The following RCN1 variants were observed in gnomAD, a reference collection of about 807,000 sequenced individuals.
RCN1 encodes reticulocalbin-1.
Under a neutral mutation model 34.7 loss-of-function variants are expected in RCN1, and 14 were observed. That is an observed-to-expected ratio of 0.40 (90% confidence interval 0.27 to 0.63). The LOEUF is 0.63. Ranked by LOEUF, RCN1 falls within the 30% of genes least tolerant of loss-of-function variation. RCN1 has a pLI of 0.37. For synonymous variants in RCN1, 125 were observed against 165.5 expected, an observed-to-expected ratio of 0.76 and a Z score of 1.88; for missense variants, 326 against 425.1, an observed-to-expected ratio of 0.77 and a Z score of 2.05.
At chr11:32,104,304 C>T (rs1021817976) in intron 5 of RCN1, 61 bp from the exon 6 acceptor site, 1 of 957,430 alleles carries the variant, frequency 1.0e-6, no homozygotes, top group African/African-American at 1.6e-5. Flanking sequence ...ACATGAACAT[C>T]ATACAGAACT....
chr11:32,091,978 C>T (rs528246276), intron 1 of RCN1, among the ~76,000 whole-genome samples: 1 of 152,266 alleles, frequency 6.6e-6, no homozygotes, highest in East Asian at 1.9e-4. Context: ...GTGGTCTTGC[C>T]TTTTGCCTAA....
chr11:32,096,807 A>G (rs1851976851), intron 1 of RCN1: 1 of 220,106 alleles, frequency 4.5e-6, no homozygotes. Flanking sequence ...AATAGGTTTC[A>G]TCTTACAGAT....
In RCN1 at chr11:32,103,321, C is replaced by T. The variant is rs199651717; in HGVS notation, c.729C>T (p.Asp243=). ...ATGAGGAGAATGGCCCTGAGCCAGA[C>T]TGGGTTTTATCAGAACGGGAGCAGT... ...FSHEENGPEP[D]WVLSEREQFN... is the part of the protein sequence containing the mutation. Residue 243 remains aspartate, a synonymous_variant, in exon 5 of 6, where the codon GAC becomes GAT. Coordinates refer to ENST00000054950, the MANE Select transcript of RCN1 (RefSeq NM_002901.4). 88 of 1,614,018 alleles carry T rather than the reference C, an allele frequency of 5.5e-5. No homozygotes were observed. The East Asian group carries it at 1.6e-3, about 30-fold the overall frequency.
Position 32,103,316 on chromosome 11 carries a change from C to A in RCN1, c.724C>A (p.Pro242Thr). 1 of 1,613,974 alleles carries A rather than the reference C, an allele frequency of 6.2e-7. No individual in the cohort carries two copies. Among genetic ancestry groups the A allele is most frequent in the South Asian group, 1.1e-5 (1 of 91,082 alleles). The change falls in exon 5 of 6, where the codon CCA (proline) becomes ACA (threonine). Residue 242 changes from proline to threonine, a missense_variant. Pro to Thr is a conservative substitution (Grantham distance 38). Transcript: ENST00000054950. Reference sequence around the variant, plus strand: ...TTCCCATGAGGAGAATGGCCCTGAGCCAGACTGGGTTTTATCAGAACGGGA... The same window carrying A: ...TTCCCATGAGGAGAATGGCCCTGAGACAGACTGGGTTTTATCAGAACGGGA... ...MFSHEENGPE[P>T]DWVLSEREQF...
chr11:32,101,469 A>AG (rs1197988768), intron 4 of RCN1, among the ~76,000 whole-genome samples: 1 of 152,240 alleles, frequency 6.6e-6, no homozygotes, highest in African/African-American at 2.4e-5. Context: ...ATTTTTAATC[A>AG]AAGCCATTAA....
At chr11:32,097,440 C>A in intron 2 of RCN1, 103 bp downstream of exon 2, 1 of 760,052 alleles carries the variant, frequency 1.3e-6, no homozygotes, top group Non-Finnish European at 2.0e-6. Context: ...AGGGAGATGT[C>A]ACAGCCTCCT....
At chr11:32,103,226 G>A (rs1288424932) in intron 4 of RCN1, 55 bp from the exon 5 acceptor site, 1 of 1,519,352 alleles carries the variant, frequency 6.6e-7, no homozygotes. Context: ...TATGGGGGTG[G>A]GGGAGGTTTA....
At chr11:32,099,235 C>T (rs1852007677) in intron 3 of RCN1, among the ~76,000 whole-genome samples, 4 of 151,808 alleles carry the variant, frequency 2.6e-5, no homozygotes, top group Admixed American at 2.0e-4. Flanking sequence ...GCAGGAGAAT[C>T]GCTTAAACCC....
chr11:32,102,801 G>T (rs1171450732), intron 4 of RCN1: 1 of 329,930 alleles, frequency 3.0e-6, no homozygotes, highest in African/African-American at 2.2e-5. Context: ...CACTCACTTT[G>T]TAAGGCTGTT....
At chr11:32,103,246 T>G (rs764382309) in intron 4 of RCN1, 35 bp from the exon 5 acceptor site, 1 of 1,605,272 alleles carries the variant, frequency 6.2e-7, no homozygotes, top group Non-Finnish European at 8.5e-7. Flanking sequence ...ACCTTCCCAC[T>G]TTCCTTTGTA....
At chr11:32,100,326 T>C (rs1852021184) in intron 3 of RCN1, among the ~76,000 whole-genome samples, 2 of 151,064 alleles carry the variant, frequency 1.3e-5, no homozygotes, top group African/African-American at 4.8e-5. Context: ...CTTGCTTGCT[T>C]TGAAGAAAGC....
chr11:32,100,499 C>T (rs776163619), intron 3 of RCN1, 49 bp from the exon 4 acceptor site: 3 of 1,465,116 alleles, frequency 2.0e-6, no homozygotes, highest in Admixed American at 1.7e-5. Flanking sequence ...TCTCAGACTT[C>T]TTAGAGCACA....
rs1361171960 is a variant in RCN1, at chr11:32,100,627, T to C, written c.688+19T>C. 6.2e-7 allele frequency: 1 copy of C among 1,608,224 alleles called. No homozygotes were observed. The highest frequency in any genetic ancestry group is 8.5e-7 in the Non-Finnish European group (1 of 1,175,032). On this transcript the variant is annotated intron_variant, in intron 4 of 5. Coordinates refer to ENST00000054950, the MANE Select transcript of RCN1 (RefSeq NM_002901.4). ...TATATTGGTGAGTACTGACCTAGAG[T>C]CTTGCTCAGCTGTCCTGACTGGGCC... is the stretch of plus-strand genomic sequence containing the variant.
chr11:32,095,400 C>T (rs936614581), intron 1 of RCN1, among the ~76,000 whole-genome samples: 5 of 151,588 alleles, frequency 3.3e-5, no homozygotes, highest in Admixed American at 1.3e-4. Context: ...GCATGCATCA[C>T]CATTCCTGGC....
At chr11:32,099,374 T>C (rs1010958199) in intron 3 of RCN1, among the ~76,000 whole-genome samples, 1 of 151,818 alleles carries the variant, frequency 6.6e-6, no homozygotes, top group Admixed American at 6.6e-5. Flanking sequence ...AGCTAGTCTC[T>C]GCCCCATTTT....
intron 5 of RCN1, 120 bp from the exon 6 acceptor site, chr11:32,104,245 T>C (rs1032224419): frequency 1.3e-5 from 8 of 629,490 alleles, no homozygotes; most frequent in Admixed American, 2.7e-5. Flanking sequence ...GCCCAGTAGC[T>C]TCTGGATTAC....
At position 32,091,083 on chromosome 11, in the gene RCN1, C is replaced by T. The variant is rs1456412061; in HGVS notation, c.-114C>T. 3.2e-6 allele frequency: 4 copies of T among 1,248,256 alleles called. No homozygotes were observed. The highest frequency in any genetic ancestry group is 3.8e-5 in the South Asian group (2 of 52,336). 77.3% of individuals were successfully genotyped at this position (1,248,256 alleles called of 1,614,324 possible). ...GGCGGAGGGACTGGCCAGTCCCCTC[C>T]TCCGCGCCGGCCCCAACCCTGTCGC... is the stretch of plus-strand genomic sequence containing the variant. On this transcript the variant is annotated 5_prime_UTR_variant, in exon 1 of 6. Coordinates refer to ENST00000054950, the MANE Select transcript of RCN1 (RefSeq NM_002901.4).
At chr11:32,093,111 G>A (rs187865544) in intron 1 of RCN1, among the ~76,000 whole-genome samples, 176 of 152,308 alleles carry the variant, frequency 1.2e-3, no homozygotes, top group Middle Eastern at 6.8e-3. Flanking sequence ...CACTGGAGAG[G>A]AGGCAGGGAG....
chr11:32,098,246 T>C (rs1244364346), intron 2 of RCN1, 104 bp from the exon 3 acceptor site: 5 of 1,028,200 alleles, frequency 4.9e-6, no homozygotes, highest in South Asian at 1.7e-5. Context: ...GGGACCTTTT[T>C]TCCCTATATG....
Sources: allele counts gnomAD v4.1 joint callset (sites outside exome capture counted in the v4.1 genomes callset), GRCh38; gene constraint gnomAD v4.1.1; transcripts MANE v1.5; gene names NCBI Gene and HGNC (gene_info 2026-07-23, HGNC 2026-07-21).